Variants in STAM2 observed in about 807,000 individuals in gnomAD.
STAM2 encodes signal transducing adaptor molecule 2.
STAM2 carries 51 observed loss-of-function variants against 65.6 expected under a neutral mutation model. The observed-to-expected ratio is 0.78, with a 90% confidence interval of 0.62 to 0.98. STAM2 has a LOEUF of 0.98. Among genes scored for constraint, STAM2 ranks in the 50% least tolerant of loss-of-function variants. The pLI, the probability that STAM2 is intolerant of heterozygous loss-of-function variation, is 0.00. For missense variants in STAM2, 584 were observed against 617.8 expected (o/e 0.95, Z 0.58); for synonymous variants, 198 against 208.4 (o/e 0.95, Z 0.43).
intron 1 of STAM2, among the ~76,000 whole-genome samples, chr2:152,166,161 A>G (rs1454950841): frequency 1.3e-5 from 2 of 150,350 alleles, no homozygotes; most frequent in African/African-American, 2.4e-5. Context: ...GGGGCAGAGC[A>G]AGGCTCTGTC....
chr2:152,122,044 T>TC (rs67528615), intron 13 of STAM2, among the ~76,000 whole-genome samples: 72 of 136,650 alleles, frequency 5.3e-4, no homozygotes, highest in Non-Finnish European at 6.6e-4. Flanking sequence ...TGAGACTCCG[T>TC]CCCCAAAAAA....
At chr2:152,163,693 C>T (rs1161309708) in intron 1 of STAM2, among the ~76,000 whole-genome samples, 2 of 152,166 alleles carry the variant, frequency 1.3e-5, no homozygotes, top group African/African-American at 4.8e-5. Flanking sequence ...CTAAATTCTT[C>T]TTCTAGCAAG....
At chr2:152,145,713 A>G (rs1336614413) in intron 5 of STAM2, among the ~76,000 whole-genome samples, 1 of 152,172 alleles carries the variant, frequency 6.6e-6, no homozygotes, top group East Asian at 1.9e-4. Context: ...TTCTAGGAAT[A>G]TGTGTGAAGT....
intron 7 of STAM2, among the ~76,000 whole-genome samples, chr2:152,141,151 A>G (rs932733259): frequency 9.2e-5 from 14 of 151,412 alleles, no homozygotes; most frequent in African/African-American, 2.2e-4. Context: ...AAAAAAAAAA[A>G]AAAAGAAAAG....
At chr2:152,166,010 C>T (rs1328715143) in intron 1 of STAM2, among the ~76,000 whole-genome samples, 4 of 152,116 alleles carry the variant, frequency 2.6e-5, no homozygotes, top group African/African-American at 4.8e-5. Flanking sequence ...GCAGACCAGC[C>T]TGGCCAACAC....
chr2:152,117,898 T>A lies in STAM2; in HGVS notation c.*2676A>T, dbSNP rs1688777692. ...GCATGACAATTTAACTACAAATAAT[T>A]TCAAATCCTAACAAATATAATTACC... is the stretch of plus-strand genomic sequence containing the variant. On this transcript the variant is annotated 3_prime_UTR_variant, in exon 14 of 14. Transcript: ENST00000263904. 2 of 152,236 alleles carry A rather than the reference T, an allele frequency of 1.3e-5. No homozygotes were observed. The highest frequency in any genetic ancestry group is 4.1e-4 in the South Asian group (2 of 4,824). The allele number at this position is 152,236 out of a possible 1,614,324, so 9.4% of individuals were successfully genotyped here.
intron 1 of STAM2, among the ~76,000 whole-genome samples, chr2:152,159,020 G>GA (rs566441869): frequency 1.6e-4 from 23 of 142,722 alleles, no homozygotes; most frequent in Admixed American, 2.9e-4. Context: ...TTAATAGGAG[G>GA]AAAAAAAACC....
intron 11 of STAM2, among the ~76,000 whole-genome samples, chr2:152,129,440 C>A (rs1245008447): frequency 6.6e-6 from 1 of 152,210 alleles, no homozygotes; most frequent in African/African-American, 2.4e-5. Context: ...TGTGAGCCCC[C>A]ACACTGGCCT....
In STAM2 at chr2:152,120,639, C is replaced by A. The variant is rs1688833956; in HGVS notation, c.1513G>T (p.Val505Leu). ...GCAACTGGATGAGCTGGAACTGTCACCGGAAAGCCTGCCAGTTGAGGCAAA... is the reference window on the plus strand; with the variant it reads ...GCAACTGGATGAGCTGGAACTGTCAACGGAAAGCCTGCCAGTTGAGGCAAA... ...SNLPQLAGFP[V>L]TVPAHPVAQQ... Residue 505 changes from valine to leucine, a missense_variant, in exon 14 of 14, where the codon GTG (valine) becomes TTG (leucine). Physicochemically the swap from Val to Leu is conservative, Grantham distance 32. Coordinates refer to ENST00000263904, the MANE Select transcript of STAM2 (RefSeq NM_005843.6). The A allele has an allele frequency of 6.2e-7, 1 of 1,613,948 alleles. No homozygotes were observed. Among genetic ancestry groups the A allele is most frequent in the African/African-American group, 1.3e-5 (1 of 74,904 alleles).
intron 7 of STAM2, among the ~76,000 whole-genome samples, chr2:152,140,424 C>T (rs1689224732): frequency 6.6e-6 from 1 of 152,150 alleles, no homozygotes; most frequent in Non-Finnish European, 1.5e-5. Flanking sequence ...TGAGCCTTTC[C>T]TTTTAACTAC....
rs1297795831 is a variant in STAM2, at chr2:152,142,590, C to T, written c.704+1237G>A. Among the ~76,000 whole-genome samples the T allele has an allele frequency of 2.6e-5, 4 of 152,090 alleles. No individual in the cohort carries two copies. The East Asian group carries it at 7.7e-4, about 29-fold the overall frequency. ...GATACACACTCAGATACCCATAAAC[C>T]ATTCTGGTTTTTACTTTCAGTACAG... On this transcript the variant is annotated intron_variant, in intron 7 of 13. Transcript: ENST00000263904.
chr2:152,171,678 T>A (rs1249982424), intron 1 of STAM2, among the ~76,000 whole-genome samples: 1 of 152,250 alleles, frequency 6.6e-6, no homozygotes, highest in African/African-American at 2.4e-5. Context: ...CACATTAAAA[T>A]GTCACTTGGA....
At chr2:152,129,656 G>A (rs939294772) in intron 11 of STAM2, among the ~76,000 whole-genome samples, 3 of 151,960 alleles carry the variant, frequency 2.0e-5, no homozygotes, top group Admixed American at 6.6e-5. Flanking sequence ...TTCTGCATCC[G>A]TGCACTCAAC....
At chr2:152,126,987 G>T (rs1183586234) in intron 11 of STAM2, among the ~76,000 whole-genome samples, 1 of 152,162 alleles carries the variant, frequency 6.6e-6, no homozygotes, top group Non-Finnish European at 1.5e-5. Flanking sequence ...CTGGTTGGCT[G>T]CTTTCTGCAA....
chr2:152,157,319 G>C (rs1689572696), intron 1 of STAM2, among the ~76,000 whole-genome samples: 1 of 152,192 alleles, frequency 6.6e-6, no homozygotes, highest in Admixed American at 6.5e-5. Context: ...ATTATGCATG[G>C]AATGTTTGTG....
At chr2:152,126,062 G>A (rs1243000425) in intron 12 of STAM2, 164 bp downstream of exon 12, 1 of 555,790 alleles carries the variant, frequency 1.8e-6, no homozygotes, top group Non-Finnish European at 2.9e-6. Flanking sequence ...AATTTGCTCT[G>A]GTGAATGTTA....
Position 152,118,510 on chromosome 2 carries a change from C to A in STAM2, c.*2064G>T, listed in dbSNP as rs1688792977. 6.8e-6 allele frequency: 1 copy of A among 147,960 alleles called. No homozygotes were observed. Among genetic ancestry groups the A allele is most frequent in the Admixed American group, 6.8e-5 (1 of 14,744 alleles). The allele number at this position is 147,960 out of a possible 1,614,324, so 9.2% of individuals were successfully genotyped here. On this transcript the variant is annotated 3_prime_UTR_variant, in exon 14 of 14. Coordinates refer to ENST00000263904, the MANE Select transcript of STAM2 (RefSeq NM_005843.6). ...ACTACATTATTTATAATGGCTGATCCCAATTTAGTGGGTGTGCAGTAATTA... is the reference window on the plus strand; with the variant it reads ...ACTACATTATTTATAATGGCTGATCACAATTTAGTGGGTGTGCAGTAATTA...
At chr2:152,160,216 C>T (rs1306873065) in intron 1 of STAM2, among the ~76,000 whole-genome samples, 2 of 150,766 alleles carry the variant, frequency 1.3e-5, no homozygotes, top group African/African-American at 4.9e-5. Flanking sequence ...GGAGCCCCTC[C>T]GCCTGGCTGC....
intron 12 of STAM2, 50 bp from the exon 13 acceptor site, chr2:152,123,985 C>A: frequency 6.9e-7 from 1 of 1,442,874 alleles, no homozygotes. Flanking sequence ...AAACATGTGC[C>A]TAATAATATA....
Sources: gnomAD v4.1 joint callset for allele counts (sites outside exome capture counted in the v4.1 genomes callset) on GRCh38, gnomAD v4.1.1 for gene constraint, MANE v1.5 for transcripts, NCBI Gene and HGNC (gene_info 2026-07-23, HGNC 2026-07-21) for gene names.